Variants in LDB2 observed in about 807,000 individuals in gnomAD.
The protein encoded by LDB2 is LIM domain-binding protein 2.
Under a neutral mutation model 44.3 loss-of-function variants are expected in LDB2, and 12 were observed. That is an observed-to-expected ratio of 0.27 (90% CI 0.17 to 0.44). LDB2 has a LOEUF of 0.44. Among genes scored for constraint, LDB2 ranks in the 20% least tolerant of loss-of-function variants. The pLI, the probability that LDB2 is intolerant of heterozygous loss-of-function variation, is 1.00. For synonymous variants in LDB2, 164 were observed against 174.8 expected (o/e 0.94, Z 0.49); for missense variants, 344 against 473.5 (o/e 0.73, Z 2.54).
In LDB2 at chr4:16,759,480, A is replaced by G. The variant is rs1401863455; in HGVS notation, c.133-220T>C. ...TCAATAAGTGAGCTCAAACCAATCGAATAAAAATTAATTCTCCAGGATATA... is the reference window on the plus strand; with the variant it reads ...TCAATAAGTGAGCTCAAACCAATCGGATAAAAATTAATTCTCCAGGATATA... On this transcript the variant is annotated intron_variant, in intron 1 of 7. Coordinates refer to ENST00000304523, the MANE Select transcript of LDB2 (RefSeq NM_001290.5). The G allele has an allele frequency of 3.3e-5, 16 of 480,908 alleles. No homozygotes were observed. The Admixed American group carries it at 4.8e-4, about 14-fold the overall frequency. The allele number at this position is 480,908 out of a possible 1,614,324, so 29.8% of individuals were successfully genotyped here.
Position 16,629,207 on chromosome 4 carries a change from C to A in LDB2, c.236-33332G>T, listed in dbSNP as rs138827180. ...CCTCTGGGGGCAGGGCATATCAGAA[C>A]AAAAGGCAGCAGACAGCTTCTTCAG... On this transcript the variant is annotated intron_variant, in intron 2 of 7. Transcript: ENST00000304523. Among the ~76,000 whole-genome samples the A allele has an allele frequency of 1.6e-3, 237 of 152,268 alleles. 4 individuals carry two copies. The East Asian group carries it at 0.043, about 28-fold the overall frequency.
chr4:16,739,594 ATATATATATATATATG>A (rs1762576986), intron 2 of LDB2, among the ~76,000 whole-genome samples: 1 of 86,582 alleles, frequency 1.2e-5, no homozygotes, highest in Non-Finnish European at 2.2e-5. Flanking sequence ...AAAAAAATAT[ATATATATATATATATG>A]TATATATACA....
intron 5 of LDB2, among the ~76,000 whole-genome samples, chr4:16,578,927 G>A (rs1179123322): frequency 6.6e-6 from 1 of 152,164 alleles, no homozygotes; most frequent in African/African-American, 2.4e-5. Context: ...TATATTAAGT[G>A]AAATAAGCCA....
intron 1 of LDB2, among the ~76,000 whole-genome samples, chr4:16,766,726 G>A (rs1391246131): frequency 1.3e-5 from 2 of 151,850 alleles, no homozygotes; most frequent in African/African-American, 4.8e-5. Context: ...AGCTGGTCCT[G>A]AACTCCTGAC....
intron 1 of LDB2, among the ~76,000 whole-genome samples, chr4:16,877,323 G>A (rs1419220148): frequency 6.6e-6 from 1 of 152,094 alleles, no homozygotes; most frequent in African/African-American, 2.4e-5. Context: ...CCACTATGTG[G>A]AATAAACACA....
chr4:16,531,584 A>G (rs1181613444), intron 5 of LDB2, among the ~76,000 whole-genome samples: 1 of 152,162 alleles, frequency 6.6e-6, no homozygotes. Context: ...GATGAAACAC[A>G]TCCTCTATCA....
chr4:16,630,356 G>T (rs1731569632), intron 2 of LDB2, among the ~76,000 whole-genome samples: 1 of 152,142 alleles, frequency 6.6e-6, no homozygotes, highest in Non-Finnish European at 1.5e-5. Context: ...AAGTGAAAGA[G>T]AAATAAAATC....
chr4:16,661,003 C>G (rs1245508749), intron 2 of LDB2, among the ~76,000 whole-genome samples: 7 of 152,064 alleles, frequency 4.6e-5, no homozygotes. Flanking sequence ...AATTTAATTC[C>G]CTGAGGATTT....
chr4:16,690,985 C>T (rs1750653887), intron 2 of LDB2, among the ~76,000 whole-genome samples: 1 of 152,166 alleles, frequency 6.6e-6, no homozygotes, highest in Non-Finnish European at 1.5e-5. Flanking sequence ...ATGAGCACTC[C>T]ACCAGCAGCA....
intron 2 of LDB2, among the ~76,000 whole-genome samples, chr4:16,655,775 A>G (rs561963534): frequency 6.6e-6 from 1 of 152,248 alleles, no homozygotes; most frequent in East Asian, 1.9e-4. Context: ...CCAGAGTGAT[A>G]GACATGTGTA....
rs530366704 is a variant in LDB2, at chr4:16,543,333, T to G, written c.616-31229A>C. 4.6e-5 allele frequency among the ~76,000 whole-genome samples: 7 copies of G among 152,338 alleles called. No individual in the cohort carries two copies. The East Asian group carries it at 1.2e-3, about 25-fold the overall frequency. ...AAATGGTATTTCTAGTTCTAGATCC[T>G]TGAGGAATTGCCACACTGTCTTCCA... On this transcript the variant is annotated intron_variant, in intron 5 of 7. Coordinates refer to ENST00000304523, the MANE Select transcript of LDB2 (RefSeq NM_001290.5).
At chr4:16,674,429 A>T in intron 2 of LDB2, 1 of 442,396 alleles carries the variant, frequency 2.3e-6, no homozygotes, top group African/African-American at 2.0e-5. Context: ...ATTCAGGAGC[A>T]CCCATCATTC....
At chr4:16,715,022 T>C (rs963108854) in intron 2 of LDB2, among the ~76,000 whole-genome samples, 2 of 152,206 alleles carry the variant, frequency 1.3e-5, no homozygotes, top group Non-Finnish European at 2.9e-5. Context: ...AGTCAACTTA[T>C]TAACAAATAG....
At chr4:16,814,513 C>T (rs1780547605) in intron 1 of LDB2, among the ~76,000 whole-genome samples, 1 of 146,940 alleles carries the variant, frequency 6.8e-6, no homozygotes, top group African/African-American at 2.5e-5. Context: ...ATTCTTCAGC[C>T]TCCCTGCCCA....
chr4:16,814,672 A>G (rs1357122259), intron 1 of LDB2, among the ~76,000 whole-genome samples: 2 of 152,212 alleles, frequency 1.3e-5, no homozygotes, highest in African/African-American at 4.8e-5. Flanking sequence ...AGAGCTTTTC[A>G]ATTGCCAGCT....
intron 1 of LDB2, among the ~76,000 whole-genome samples, chr4:16,866,335 A>G (rs1215034576): frequency 2.0e-5 from 3 of 152,222 alleles, no homozygotes; most frequent in African/African-American, 7.2e-5. Context: ...AAAATAAGTA[A>G]TAGTTTTTAC....
intron 2 of LDB2, among the ~76,000 whole-genome samples, chr4:16,693,342 T>C (rs1239534681): frequency 1.4e-5 from 2 of 142,436 alleles, no homozygotes; most frequent in African/African-American, 5.2e-5. Context: ...CCTAGAGCAA[T>C]AGTTCTTTTT....
chr4:16,594,407 T>C (rs192981909), intron 3 of LDB2, among the ~76,000 whole-genome samples: 1 of 152,226 alleles, frequency 6.6e-6, no homozygotes. Context: ...CCAGGACTTC[T>C]GCATCCAGTG....
chr4:16,563,207 A>C (rs1177394410), intron 5 of LDB2, among the ~76,000 whole-genome samples: 1 of 151,800 alleles, frequency 6.6e-6, no homozygotes, highest in Non-Finnish European at 1.5e-5. Flanking sequence ...CCTAAAACTT[A>C]AAGTATAATA....
Sources: gnomAD v4.1 joint callset for allele counts (sites outside exome capture counted in the v4.1 genomes callset) on GRCh38, gnomAD v4.1.1 for gene constraint, MANE v1.5 for transcripts, NCBI Gene and HGNC (gene_info 2026-07-23, HGNC 2026-07-21) for gene names.